Variants in TSPEAR observed in about 807,000 individuals in gnomAD.
The protein encoded by TSPEAR is thrombospondin type laminin G domain and EAR repeats.
Under a neutral mutation model 71.6 loss-of-function variants are expected in TSPEAR, and 69 were observed. The ratio of observed to expected loss-of-function variants is 0.96; its 90% CI spans 0.79 to 1.18. TSPEAR has a LOEUF of 1.18. TSPEAR is among the 50% of genes most tolerant of loss of function. The pLI is 0.00. For synonymous variants in TSPEAR, 402 were observed against 387.2 expected, an observed-to-expected ratio of 1.04 and a Z score of -0.45; for missense variants, 971 against 894.9, an observed-to-expected ratio of 1.09 and a Z score of -1.09.
chr21:44,640,981 C>T (rs903242117), intron 1 of TSPEAR, among the ~76,000 whole-genome samples: 3 of 152,142 alleles, frequency 2.0e-5, no homozygotes, highest in Admixed American at 6.5e-5. Flanking sequence ...AGAGGCCACG[C>T]CCCAGGAAGC....
chr21:44,635,068 G>A (rs1457356369), intron 1 of TSPEAR, among the ~76,000 whole-genome samples: 1 of 152,166 alleles, frequency 6.6e-6, no homozygotes, highest in African/African-American at 2.4e-5. Flanking sequence ...TATAGGGCCG[G>A]GCGCAGTGGC....
chr21:44,541,378 G>A (rs1555917226), intron 2 of TSPEAR, among the ~76,000 whole-genome samples: 1 of 152,200 alleles, frequency 6.6e-6, no homozygotes, highest in African/African-American at 2.4e-5. Context: ...TTTCGTGTGT[G>A]GGGAACTGGC....
In TSPEAR at chr21:44,509,400, A is replaced by G. The variant is rs782336994; in HGVS notation, c.1567-14T>C. On this transcript the variant is annotated splice_polypyrimidine_tract_variant and intron_variant, in intron 9 of 11. Coordinates refer to ENST00000323084, the MANE Select transcript of TSPEAR (RefSeq NM_144991.3). ...AGCACCGAACGTCTAGGACCAAAGG[A>G]GAGCAGGTGCAGAGGTGTGGGGGAG... The G allele has an allele frequency of 5.1e-6, 8 of 1,558,522 alleles. No homozygotes were observed. The Admixed American group carries it at 8.6e-5, about 17-fold the overall frequency.
intron 1 of TSPEAR, chr21:44,627,785 C>T: frequency 1.9e-6 from 3 of 1,599,720 alleles, no homozygotes; most frequent in East Asian, 4.5e-5. Flanking sequence ...TGCTCTGGGG[C>T]TTCCTCTTTG....
At chr21:44,649,209 G>C (rs1481453945) in intron 1 of TSPEAR, among the ~76,000 whole-genome samples, 1 of 152,178 alleles carries the variant, frequency 6.6e-6, no homozygotes, top group Non-Finnish European at 1.5e-5. Context: ...TGTGATCAGA[G>C]ACCCTCCAGC....
intron 1 of TSPEAR, chr21:44,676,269 C>T (rs1266927762): frequency 2.5e-5 from 31 of 1,264,664 alleles, no homozygotes; most frequent in Admixed American, 3.4e-5. Flanking sequence ...CACTGTACAC[C>T]CCATGGGTCA....
chr21:44,613,833 T>G (rs587715143), intron 1 of TSPEAR, among the ~76,000 whole-genome samples: 3 of 152,102 alleles, frequency 2.0e-5, no homozygotes, highest in Admixed American at 6.5e-5. Flanking sequence ...CTGAAATGTG[T>G]GTCCTTCACG....
At chr21:44,512,759 G>A (rs1368928139) in intron 9 of TSPEAR, among the ~76,000 whole-genome samples, 1 of 151,942 alleles carries the variant, frequency 6.6e-6, no homozygotes, top group African/African-American at 2.4e-5. Context: ...GCGTGTATTT[G>A]TTCCAGGAAG....
At chr21:44,667,248 G>A (rs1340461548) in intron 1 of TSPEAR, among the ~76,000 whole-genome samples, 3 of 152,044 alleles carry the variant, frequency 2.0e-5, no homozygotes, top group Middle Eastern at 3.2e-3. Context: ...TCCTCTCTGT[G>A]TGATGATGGT....
In TSPEAR at chr21:44,600,667, G is replaced by A. The variant is rs200384147; in HGVS notation, c.83-32662C>T. ...TGTCTGCTCCAGCGACCTGAGCTACGGCAGCCGCGTCTGCCTTCCTGGTTC... is the reference window on the plus strand; with the variant it reads ...TGTCTGCTCCAGCGACCTGAGCTACAGCAGCCGCGTCTGCCTTCCTGGTTC... On this transcript the variant is annotated intron_variant, in intron 1 of 11. Coordinates refer to ENST00000323084, the MANE Select transcript of TSPEAR (RefSeq NM_144991.3). 4.4e-3 allele frequency: 7,110 copies of A among 1,612,514 alleles called. 123 individuals carry two copies. Among genetic ancestry groups the A allele is most frequent in the South Asian group, 0.04 (3,643 of 90,776 alleles).
intron 4 of TSPEAR, among the ~76,000 whole-genome samples, chr21:44,530,159 G>A (rs587684077): frequency 4.9e-4 from 74 of 151,672 alleles, no homozygotes; most frequent in Non-Finnish European, 2.4e-4. Flanking sequence ...CCCCCCTTCC[G>A]AGGGAACTGA....
intron 1 of TSPEAR, chr21:44,677,536 G>T (rs782584421): frequency 7.2e-6 from 6 of 836,212 alleles, no homozygotes; most frequent in Non-Finnish European, 1.2e-5. Flanking sequence ...TCACATGGTC[G>T]TTCCCTTATA....
intron 1 of TSPEAR, among the ~76,000 whole-genome samples, chr21:44,661,900 C>T (rs782374427): frequency 6.6e-6 from 1 of 152,096 alleles, no homozygotes; most frequent in Non-Finnish European, 1.5e-5. Flanking sequence ...ATCCAATCAC[C>T]TCCCACCAGG....
chr21:44,565,004 T>C (rs1194673436), intron 2 of TSPEAR, among the ~76,000 whole-genome samples: 1 of 151,606 alleles, frequency 6.6e-6, no homozygotes, highest in Non-Finnish European at 1.5e-5. Context: ...CACACAAATA[T>C]GTGAAAATTA....
In TSPEAR at chr21:44,546,461, A is replaced by C. The variant is rs1555917760; in HGVS notation, c.304-12538T>G. 1.3e-5 allele frequency among the ~76,000 whole-genome samples: 2 copies of C among 152,140 alleles called. No individual in the cohort carries two copies. Among genetic ancestry groups the C allele is most frequent in the Non-Finnish European group, 2.9e-5 (2 of 68,018 alleles). ...ACCATTCTCCTGCCTCAGCCTCCTG[A>C]GTAGCTGGGACTACAGGCTCCCGCC... is the stretch of plus-strand genomic sequence containing the variant. On this transcript the variant is annotated intron_variant, in intron 2 of 11. Transcript: ENST00000323084. The surrounding 1 kb of genome is among the most constrained non-coding windows in gnomAD (Gnocchi z 4.4).
At chr21:44,665,847 G>A (rs1424835872) in intron 1 of TSPEAR, among the ~76,000 whole-genome samples, 7 of 152,212 alleles carry the variant, frequency 4.6e-5, no homozygotes, top group South Asian at 2.1e-4. Context: ...GAAACAGGAC[G>A]TCCACCAACC....
intron 1 of TSPEAR, among the ~76,000 whole-genome samples, chr21:44,655,902 C>T (rs1224020414): frequency 6.6e-6 from 1 of 152,136 alleles, no homozygotes; most frequent in African/African-American, 2.4e-5. Context: ...ATGGGTGATT[C>T]CTGCCAAGAA....
intron 1 of TSPEAR, among the ~76,000 whole-genome samples, chr21:44,660,070 T>C (rs981774982): frequency 3.3e-5 from 5 of 151,962 alleles, no homozygotes; most frequent in African/African-American, 1.2e-4. Flanking sequence ...TAAATGTAAA[T>C]TGACCAAATT....
chr21:44,525,548 A>G (rs1406958343), intron 8 of TSPEAR, 105 bp downstream of exon 8: 6 of 1,194,172 alleles, frequency 5.0e-6, no homozygotes, highest in Non-Finnish European at 6.0e-6. Flanking sequence ...CCTGTGCTGC[A>G]TGTGGCTTAT....
Sources: allele counts gnomAD v4.1 joint callset (sites outside exome capture counted in the v4.1 genomes callset), GRCh38; gene constraint gnomAD v4.1.1; non-coding constraint Gnocchi (gnomAD v3.1); transcripts MANE v1.5; gene names NCBI Gene and HGNC (gene_info 2026-07-23, HGNC 2026-07-21).